CDH6: variants seen among roughly 807,000 people sequenced by gnomAD.
CDH6 encodes the protein cadherin 6.
CDH6 carries 31 observed loss-of-function variants against 78.0 expected under a neutral mutation model. The observed-to-expected ratio is 0.40, with a 90% CI of 0.30 to 0.54. The LOEUF (loss-of-function observed/expected upper bound fraction) is 0.54. Ranked by LOEUF, CDH6 falls within the 20% of genes least tolerant of loss-of-function variation. The pLI is 0.56. For missense variants in CDH6, 724 were observed against 975.9 expected (o/e 0.74, Z 3.44); for synonymous variants, 376 against 368.8 (o/e 1.02, Z -0.23).
rs571410704 is a variant in CDH6 at position 31,317,881 on chromosome 5, G to A, written c.1839G>A (p.Thr613=). 117 of 1,613,654 alleles carry A rather than the reference G, an allele frequency of 7.3e-5. No homozygotes were observed. In the South Asian group the frequency reaches 1.2e-3, roughly 16 times the overall value. ...EALIHPTGLS[T]GALVAILLCI... ...TCATCCACCCCACGGGACTGAGCAC[G>A]GGGGCTCTGGTTGCCATCCTTCTGT... Residue 613 remains threonine (T), a synonymous_variant, in exon 11 of 12, where the codon ACG becomes ACA. Coordinates refer to ENST00000265071, the MANE Select transcript of CDH6 (RefSeq NM_004932.4).
chr5:31,206,734 T>C (rs924237446), intron 1 of CDH6, among the ~76,000 whole-genome samples: 3 of 152,194 alleles, frequency 2.0e-5, no homozygotes, highest in African/African-American at 7.2e-5. Context: ...ATGAATAGGA[T>C]ATTCAGAATT....
intron 2 of CDH6, among the ~76,000 whole-genome samples, chr5:31,293,226 G>A (rs924198125): frequency 6.6e-6 from 1 of 151,868 alleles, no homozygotes; most frequent in Non-Finnish European, 1.5e-5. Flanking sequence ...TTATTAGAAG[G>A]TCCTTTCCTA....
At chr5:31,272,469 C>T (rs1196914475) in intron 2 of CDH6, among the ~76,000 whole-genome samples, 1 of 152,088 alleles carries the variant, frequency 6.6e-6, no homozygotes, top group Non-Finnish European at 1.5e-5. Context: ...TTTTATGTAA[C>T]ATAGCAATTT....
chr5:31,283,474 C>A (rs10053346), intron 2 of CDH6, among the ~76,000 whole-genome samples: 143,381 of 152,170 alleles, frequency 0.94, 67,989 homozygotes, highest in East Asian at 1. Flanking sequence ...ATCACTTAAG[C>A]GGGGATAAGA....
intron 11 of CDH6, among the ~76,000 whole-genome samples, chr5:31,320,952 C>T (rs1579917134): frequency 6.7e-6 from 1 of 148,972 alleles, no homozygotes. Flanking sequence ...GCACTCCAGC[C>T]TGGGTGACAG....
intron 1 of CDH6, among the ~76,000 whole-genome samples, chr5:31,226,375 A>G (rs1415890037): frequency 2.6e-5 from 4 of 152,096 alleles, no homozygotes; most frequent in Non-Finnish European, 4.4e-5. Context: ...AGGTTTCACC[A>G]TGTTGGCCAG....
At chr5:31,319,946 C>T (rs968007831) in intron 11 of CDH6, among the ~76,000 whole-genome samples, 5 of 152,138 alleles carry the variant, frequency 3.3e-5, no homozygotes, top group South Asian at 2.1e-4. Flanking sequence ...AGGCTTAGAA[C>T]GGTCAAATCA....
chr5:31,280,034 T>C (rs1448403809), intron 2 of CDH6, among the ~76,000 whole-genome samples: 1 of 152,196 alleles, frequency 6.6e-6, no homozygotes, highest in Non-Finnish European at 1.5e-5. Flanking sequence ...CATTTCATTT[T>C]ATCTCCTTTT....
Position 31,322,817 on chromosome 5 carries a change from G to A in CDH6, c.1883-1G>A. The A allele has an allele frequency of 1.9e-6, 3 of 1,603,090 alleles. No homozygotes were observed. The highest frequency in any genetic ancestry group is 2.6e-6 in the Non-Finnish European group (3 of 1,173,210). ...CTTTCTGTTTTGTTTTCTGCTTCCA[G>A]TGACAGTGGTGCTGTTTGCAGCTCT... On this transcript the variant is annotated splice_acceptor_variant, in intron 11 of 11. Coordinates refer to ENST00000265071, the MANE Select transcript of CDH6 (RefSeq NM_004932.4). LOFTEE classifies it high-confidence loss of function.
intron 1 of CDH6, among the ~76,000 whole-genome samples, chr5:31,213,173 G>T (rs1740763581): frequency 1.3e-5 from 2 of 152,098 alleles, no homozygotes; most frequent in Non-Finnish European, 2.9e-5. Context: ...TAGATAATAG[G>T]GATGTTATCT....
In CDH6 at chr5:31,230,048, A is replaced by G. The variant is rs1316278535; in HGVS notation, c.-129+36162A>G. Among the ~76,000 whole-genome samples the G allele has an allele frequency of 2.0e-5, 3 of 152,170 alleles. No homozygotes were observed. In the South Asian group the frequency reaches 6.2e-4, roughly 32 times the overall value. Reference sequence around the variant, plus strand: ...TGCTGCCACTGTGGCGTGTCTGAACAACAAAGTCAAAATAACAGTGATTCC... The same window carrying G: ...TGCTGCCACTGTGGCGTGTCTGAACGACAAAGTCAAAATAACAGTGATTCC... On this transcript the variant is annotated intron_variant, in intron 1 of 11. Transcript: ENST00000265071.
At chr5:31,230,385 A>G (rs1231696205) in intron 1 of CDH6, among the ~76,000 whole-genome samples, 1 of 152,140 alleles carries the variant, frequency 6.6e-6, no homozygotes, top group African/African-American at 2.4e-5. Context: ...AGTCTGGCTC[A>G]TTTTCCTTCA....
chr5:31,302,958 G>GAAAGAAAGAAAGAAAGAGA (rs1561066578), intron 6 of CDH6, among the ~76,000 whole-genome samples: 1 of 106,098 alleles, frequency 9.4e-6, no homozygotes, highest in East Asian at 2.4e-4. Flanking sequence ...AAAGAAAGAA[G>GAAAGAAAGAAAGAAAGAGA]GAAAGAAAAG....
chr5:31,227,613 C>T (rs183918149), intron 1 of CDH6, among the ~76,000 whole-genome samples: 1 of 152,140 alleles, frequency 6.6e-6, no homozygotes, highest in African/African-American at 2.4e-5. Context: ...TAAAACCTCA[C>T]AGATCAAGGC....
chr5:31,278,714 A>G (rs1345208736), intron 2 of CDH6, among the ~76,000 whole-genome samples: 1 of 152,204 alleles, frequency 6.6e-6, no homozygotes, highest in East Asian at 1.9e-4. Context: ...CAGAAAAATT[A>G]TATGTAATGA....
chr5:31,295,439 C>G (rs1017175448), intron 3 of CDH6, among the ~76,000 whole-genome samples: 1 of 152,278 alleles, frequency 6.6e-6, no homozygotes, highest in African/African-American at 2.4e-5. Context: ...CACTGCACAA[C>G]TCTAGGGAGT....
chr5:31,299,753 C>G, intron 5 of CDH6, 122 bp downstream of exon 5: 1 of 783,880 alleles, frequency 1.3e-6, no homozygotes, highest in Non-Finnish European at 2.0e-6. Flanking sequence ...AGAACTGGTA[C>G]TTTTATTAAA....
At chr5:31,252,266 T>C (rs997400285) in intron 1 of CDH6, among the ~76,000 whole-genome samples, 13 of 152,086 alleles carry the variant, frequency 8.5e-5, no homozygotes, top group Non-Finnish European at 1.9e-4. Context: ...CCACAACATC[T>C]TCTAAAGACA....
rs1176808502 is a variant in CDH6, at chr5:31,305,205, C to T, written c.1031C>T (p.Thr344Ile). Residue 344 changes from threonine (T) to isoleucine (I), a missense_variant, in exon 7 of 12, where the codon ACC becomes ATC. By Grantham distance (89) the Thr-to-Ile change is moderately conservative (BLOSUM62 -1). This residue lies in a region of CDH6 where 446 missense variants were observed against 684.5 expected (regional missense o/e 0.65). Transcript: ENST00000265071. ...GACTTTGAAAAGAAGAAAGTGTATA[C>T]CCTTAAAGTGGAAGCCTCCAATCCT... ...LLDFEKKKVY[T>I]LKVEASNPYV... The T allele has an allele frequency of 3.1e-6, 5 of 1,613,784 alleles. No individual in the cohort carries two copies. The Admixed American group carries it at 8.3e-5, about 27-fold the overall frequency.
Sources: allele counts gnomAD v4.1 joint callset (sites outside exome capture counted in the v4.1 genomes callset), GRCh38; gene constraint gnomAD v4.1.1; regional missense constraint gnomAD v4.1.1; transcripts MANE v1.5; gene names NCBI Gene and HGNC (gene_info 2026-07-23, HGNC 2026-07-21).